The following VAV3 variants were observed in gnomAD, a reference collection of about 807,000 sequenced individuals.
VAV3 encodes guanine nucleotide exchange factor VAV3.
In VAV3, 94 loss-of-function variants were observed where a neutral mutation model predicts 131.2. The observed-to-expected ratio is 0.72, with a 90% CI of 0.61 to 0.85. The LOEUF (loss-of-function observed/expected upper bound fraction) is 0.85. Among genes scored for constraint, VAV3 ranks in the 40% least tolerant of loss-of-function variants. The probability of loss-of-function intolerance (pLI) is 0.00; values close to 1 mark genes in which losing one functional copy is unlikely to be tolerated. For missense variants in VAV3, 939 were observed against 1,002.7 expected (o/e 0.94, Z 0.86); for synonymous variants, 349 against 342.0 (o/e 1.02, Z -0.22).
At position 107,964,915 on chromosome 1, in the gene VAV3, A is replaced by C; in HGVS notation, c.-46T>G. The C allele has an allele frequency of 8.3e-7, 1 of 1,203,320 alleles. No homozygotes were observed. Among genetic ancestry groups the C allele is most frequent in the Non-Finnish European group, 1.0e-6 (1 of 967,938 alleles). 74.5% of individuals were successfully genotyped at this position (1,203,320 alleles called of 1,614,324 possible). ...GGCTGGGCCGGGGCGGGCGGCAAGG[A>C]TGCGGCCGCCGCCGCCGCCGCCGCG... On this transcript the variant is annotated 5_prime_UTR_variant, in exon 1 of 27. Coordinates refer to ENST00000370056, the MANE Select transcript of VAV3 (RefSeq NM_006113.5).
chr1:107,961,627 T>C (rs1428066493), intron 1 of VAV3, among the ~76,000 whole-genome samples: 1 of 152,206 alleles, frequency 6.6e-6, no homozygotes, highest in East Asian at 1.9e-4. Flanking sequence ...TGTTTACCTC[T>C]TTAACCTATC....
At chr1:107,902,752 G>A (rs889621651) in intron 1 of VAV3, among the ~76,000 whole-genome samples, 9 of 151,964 alleles carry the variant, frequency 5.9e-5, no homozygotes, top group Non-Finnish European at 1.3e-4. Context: ...GGAGAGCGAA[G>A]GCCAGTAGGA....
At chr1:107,866,224 G>A (rs1669979648) in intron 2 of VAV3, among the ~76,000 whole-genome samples, 2 of 152,058 alleles carry the variant, frequency 1.3e-5, no homozygotes, top group African/African-American at 4.8e-5. Context: ...TTCCACTCCT[G>A]CTCTGAAATT....
At chr1:107,818,795 T>C (rs1279267059) in intron 2 of VAV3, among the ~76,000 whole-genome samples, 1 of 152,184 alleles carries the variant, frequency 6.6e-6, no homozygotes, top group Non-Finnish European at 1.5e-5. Context: ...GGTCTCTAGA[T>C]AACTGGTTAT....
At chr1:107,795,707 T>A (rs1666505607) in intron 2 of VAV3, among the ~76,000 whole-genome samples, 1 of 152,226 alleles carries the variant, frequency 6.6e-6, no homozygotes. Context: ...TTATAAACAT[T>A]TGCATAAGTC....
Position 107,683,530 on chromosome 1 carries a change from G to C in VAV3, c.1735C>G (p.Arg579Gly). 1 of 1,613,824 alleles carries C rather than the reference G, an allele frequency of 6.2e-7. No homozygotes were observed. Among genetic ancestry groups the C allele is most frequent in the Non-Finnish European group, 8.5e-7 (1 of 1,179,792 alleles). Residue 579 changes from arginine to glycine, a missense_variant, in exon 19 of 27, where the codon CGG becomes GGG. Coordinates refer to ENST00000370056, the MANE Select transcript of VAV3 (RefSeq NM_006113.5). Reference sequence around the variant, plus strand: ...GGAGTTCTTCGCAGTCCATTGGTCCGTTTCTGTGCAGTAAAGTAAAACAAA... The same window carrying C: ...GGAGTTCTTCGCAGTCCATTGGTCCCTTTCTGTGCAGTAAAGTAAAACAAA... ...EQGTLKLPEK[R>G]TNGLRRTPKQ... is the part of the protein sequence containing the mutation.
At chr1:107,751,242 A>G in intron 12 of VAV3, 40 bp from the exon 13 acceptor site, 2 of 1,491,606 alleles carry the variant, frequency 1.3e-6, no homozygotes, top group Non-Finnish European at 1.8e-6. Flanking sequence ...TTTCATAATC[A>G]CATGAAAATA....
At chr1:107,814,402 G>C (rs570444549) in intron 2 of VAV3, among the ~76,000 whole-genome samples, 4 of 152,248 alleles carry the variant, frequency 2.6e-5, no homozygotes, top group African/African-American at 9.6e-5. Flanking sequence ...GATGATTAGT[G>C]ATGTTGAGTA....
intron 1 of VAV3, among the ~76,000 whole-genome samples, chr1:107,935,190 C>T (rs1207931611): frequency 6.6e-6 from 1 of 152,196 alleles, no homozygotes; most frequent in Non-Finnish European, 1.5e-5. Flanking sequence ...CAGTTTCCTA[C>T]AGTTCTCCAA....
chr1:107,669,429 A>C (rs766205652), intron 19 of VAV3: 98 of 1,289,614 alleles, frequency 7.6e-5, no homozygotes, highest in Middle Eastern at 2.1e-4. Context: ...TGCTTCTAGT[A>C]GCAGGGGCCA....
intron 15 of VAV3, among the ~76,000 whole-genome samples, chr1:107,705,618 A>G (rs548820936): frequency 6.6e-6 from 1 of 152,248 alleles, no homozygotes; most frequent in Admixed American, 6.5e-5. Flanking sequence ...AAACAAAATA[A>G]TTTTACCATT....
chr1:107,778,918 G>A (rs1321351323), intron 3 of VAV3, among the ~76,000 whole-genome samples: 1 of 152,024 alleles, frequency 6.6e-6, no homozygotes, highest in Non-Finnish European at 1.5e-5. Context: ...ATACTCTATT[G>A]CAAGGAGATG....
At chr1:107,941,721 T>C (rs1346958462) in intron 1 of VAV3, among the ~76,000 whole-genome samples, 2 of 152,202 alleles carry the variant, frequency 1.3e-5, no homozygotes, top group Non-Finnish European at 2.9e-5. Flanking sequence ...TCTTCCTCTT[T>C]AGAGCTATCA....
At chr1:107,574,465 A>G (rs1182947278) in intron 25 of VAV3, among the ~76,000 whole-genome samples, 1 of 152,252 alleles carries the variant, frequency 6.6e-6, no homozygotes, top group African/African-American at 2.4e-5. Context: ...ACTAGTTTTT[A>G]TAAAAATGAA....
At chr1:107,901,885 A>C (rs996373807) in intron 1 of VAV3, among the ~76,000 whole-genome samples, 1 of 152,112 alleles carries the variant, frequency 6.6e-6, no homozygotes, top group African/African-American at 2.4e-5. Flanking sequence ...TCTACTAAAA[A>C]TACAAAAATT....
intron 1 of VAV3, among the ~76,000 whole-genome samples, chr1:107,950,345 C>T (rs1169768980): frequency 1.3e-5 from 2 of 152,038 alleles, no homozygotes; most frequent in South Asian, 2.1e-4. Flanking sequence ...TAATAGTCAC[C>T]ATTGTAGTGT....
chr1:107,814,297 T>C (rs1667471092), intron 2 of VAV3, among the ~76,000 whole-genome samples: 1 of 152,142 alleles, frequency 6.6e-6, no homozygotes, highest in Non-Finnish European at 1.5e-5. Context: ...GTTCTCCACA[T>C]TCTCGCCAGC....
At chr1:107,791,634 C>G (rs1666293084) in intron 2 of VAV3, among the ~76,000 whole-genome samples, 2 of 152,140 alleles carry the variant, frequency 1.3e-5, no homozygotes, top group African/African-American at 4.8e-5. Flanking sequence ...CTCAAATAGT[C>G]TGTGATGGGG....
chr1:107,660,519 C>T (rs1270390716), intron 19 of VAV3, among the ~76,000 whole-genome samples: 1 of 152,186 alleles, frequency 6.6e-6, no homozygotes, highest in Non-Finnish European at 1.5e-5. Context: ...GGCCTTATAG[C>T]CTCCCTGTCT....
Sources: gnomAD v4.1 joint callset for allele counts (sites outside exome capture counted in the v4.1 genomes callset) on GRCh38, gnomAD v4.1.1 for gene constraint, MANE v1.5 for transcripts, NCBI Gene and HGNC (gene_info 2026-07-23, HGNC 2026-07-21) for gene names.